Variants in CD1B observed in about 807,000 individuals in gnomAD.
CD1B encodes T-cell surface glycoprotein CD1b.
CD1B carries 43 observed loss-of-function variants against 39.8 expected under a neutral mutation model. That is an observed-to-expected ratio of 1.08 (90% CI 0.85 to 1.39). The LOEUF (loss-of-function observed/expected upper bound fraction) is 1.39. Among genes scored for constraint, CD1B ranks in the 40% most tolerant of loss-of-function variants. CD1B has a pLI of 0.00. For synonymous variants in CD1B, 192 were observed against 152.5 expected, an observed-to-expected ratio of 1.26 and a Z score of -1.91; for missense variants, 495 against 403.8, an observed-to-expected ratio of 1.23 and a Z score of -1.94.
chr1:158,299,675 G>A, the CD1B span, among the ~76,000 whole-genome samples: 1 of 152,276 alleles, frequency 6.6e-6, no homozygotes, highest in African/African-American at 2.4e-5. Flanking sequence ...CCTGTTATTG[G>A]TCTATTCAGA....
At chr1:158,292,560 G>T in the CD1B span, 1 of 1,600,400 alleles carries the variant, frequency 6.2e-7, no homozygotes, top group South Asian at 1.1e-5. Context: ...TTGTGTGTAA[G>T]TTTCTTCATC....
the CD1B span, among the ~76,000 whole-genome samples, chr1:158,289,586 A>C: frequency 9.2e-5 from 14 of 152,322 alleles, no homozygotes; most frequent in East Asian, 2.5e-3. Context: ...AGGGGGAAAG[A>C]AAGAATGGAG....
the CD1B span, among the ~76,000 whole-genome samples, chr1:158,305,157 C>T: frequency 2.0e-5 from 3 of 151,896 alleles, no homozygotes; most frequent in Non-Finnish European, 2.9e-5. Context: ...AGAGGAAGTT[C>T]GAACTCATCG....
chr1:158,303,678 A>C, the CD1B span, among the ~76,000 whole-genome samples: 2 of 152,210 alleles, frequency 1.3e-5, no homozygotes, highest in African/African-American at 4.8e-5. Context: ...CACTATAATC[A>C]CAAAAAGAAT....
the CD1B span, among the ~76,000 whole-genome samples, chr1:158,321,134 C>T: frequency 2.0e-5 from 3 of 152,136 alleles, no homozygotes; most frequent in African/African-American, 7.2e-5. Context: ...GTATTGTACG[C>T]TATATCTCCC....
chr1:158,327,090 C>T (rs965238003), downstream of CD1B, among the ~76,000 whole-genome samples: 1 of 152,216 alleles, frequency 6.6e-6, no homozygotes, highest in Non-Finnish European at 1.5e-5. Context: ...AGCCACCACG[C>T]TTGGCCCCTA....
At chr1:158,295,300 G>A in the CD1B span, among the ~76,000 whole-genome samples, 15 of 151,962 alleles carry the variant, frequency 9.9e-5, no homozygotes, top group Admixed American at 3.3e-4. Context: ...AAGAAGCTGC[G>A]AACCCTACAC....
the CD1B span, among the ~76,000 whole-genome samples, chr1:158,294,972 C>T: frequency 2.0e-5 from 3 of 152,116 alleles, no homozygotes; most frequent in Non-Finnish European, 2.9e-5. Context: ...GTCCTGCTTC[C>T]ATTGCTCATT....
At chr1:158,287,858 T>C in the CD1B span, among the ~76,000 whole-genome samples, 1 of 152,204 alleles carries the variant, frequency 6.6e-6, no homozygotes, top group Non-Finnish European at 1.5e-5. Context: ...CTCCATCTCA[T>C]AGTCTTGCCA....
At chr1:158,298,319 C>A in the CD1B span, among the ~76,000 whole-genome samples, 79 of 152,268 alleles carry the variant, frequency 5.2e-4, 1 homozygote, top group South Asian at 0.015. Flanking sequence ...ACCCAACTGA[C>A]AGCATTAGAT....
chr1:158,292,202 G>C, the CD1B span: 1 of 1,614,066 alleles, frequency 6.2e-7, no homozygotes, highest in Non-Finnish European at 8.5e-7. Flanking sequence ...ATACAACATG[G>C]GTGCCATCTC....
chr1:158,316,785 G>C, the CD1B span, among the ~76,000 whole-genome samples: 1 of 151,446 alleles, frequency 6.6e-6, no homozygotes, highest in East Asian at 1.9e-4. Flanking sequence ...TATGATATTG[G>C]CTGTGGGTTT....
At chr1:158,297,360 A>T in the CD1B span, among the ~76,000 whole-genome samples, 2 of 152,202 alleles carry the variant, frequency 1.3e-5, 1 homozygote, top group South Asian at 4.1e-4. Context: ...AGTAAGATTT[A>T]TATGTTAAAG....
At chr1:158,303,121 G>T in the CD1B span, among the ~76,000 whole-genome samples, 12 of 152,152 alleles carry the variant, frequency 7.9e-5, no homozygotes, top group Non-Finnish European at 1.8e-4. Context: ...CTCAAGGTTG[G>T]TTCAACATAC....
intron 1 of CD1B, 103 bp from the exon 2 acceptor site, chr1:158,331,165 C>A: frequency 1.6e-6 from 2 of 1,271,874 alleles, no homozygotes; most frequent in South Asian, 1.4e-5. Context: ...AACCTAGAGT[C>A]TAAAGAACAC....
the CD1B span, among the ~76,000 whole-genome samples, chr1:158,315,263 A>T: frequency 6.6e-6 from 1 of 152,206 alleles, no homozygotes; most frequent in Non-Finnish European, 1.5e-5. Flanking sequence ...ACTAGTTTAC[A>T]GTCCCATCAA....
At chr1:158,316,852 G>A in the CD1B span, among the ~76,000 whole-genome samples, 1 of 151,968 alleles carries the variant, frequency 6.6e-6, no homozygotes, top group Non-Finnish European at 1.5e-5. Context: ...AATTTATTGA[G>A]AGTTTTGAGC....
the CD1B span, chr1:158,293,614 C>T: frequency 1.3e-6 from 2 of 1,594,792 alleles, no homozygotes; most frequent in South Asian, 1.1e-5. Context: ...TAATAAAAAC[C>T]AAATTCTAAT....
chr1:158,319,349 G>A, the CD1B span, among the ~76,000 whole-genome samples: 5 of 152,254 alleles, frequency 3.3e-5, no homozygotes, highest in African/African-American at 1.2e-4. Context: ...ATTTCTTGGA[G>A]GCTTTGTTGA....
Sources: gnomAD v4.1 joint callset for allele counts (sites outside exome capture counted in the v4.1 genomes callset) on GRCh38, gnomAD v4.1.1 for gene constraint, MANE v1.5 for transcripts, NCBI Gene and HGNC (gene_info 2026-07-23, HGNC 2026-07-21) for gene names.